The following MAOB variants were observed in gnomAD, a reference collection of about 807,000 sequenced individuals.
The protein encoded by MAOB is amine oxidase [flavin-containing] B.
In MAOB, 15 loss-of-function variants were observed where a neutral mutation model predicts 41.9. The observed-to-expected ratio is 0.36, with a 90% CI of 0.24 to 0.55. MAOB has a LOEUF of 0.55. Ranked by LOEUF, MAOB falls within the 20% of genes least tolerant of loss-of-function variation. MAOB has a pLI of 0.86. For missense variants in MAOB, 345 were observed against 398.7 expected, an observed-to-expected ratio of 0.87 and a Z score of 1.15; for synonymous variants, 167 against 144.2, an observed-to-expected ratio of 1.16 and a Z score of -1.13.
At chrX:43,776,430 C>T (rs12558324) in intron 11 of MAOB, among the ~76,000 whole-genome samples, 2,192 of 111,994 alleles carry the variant, frequency 0.02, 32 homozygotes, top group Admixed American at 0.034. Flanking sequence ...ACTGAAGTTC[C>T]CCAAACAACC....
chrX:43,770,899 G>A (rs755006605), intron 12 of MAOB, among the ~76,000 whole-genome samples: 1 of 111,910 alleles, frequency 8.9e-6, no homozygotes, highest in African/African-American at 3.3e-5. Context: ...TTGTTGCTCT[G>A]ACAAAAATAC....
At chrX:43,859,131 C>G (rs1285036879) in intron 1 of MAOB, among the ~76,000 whole-genome samples, 1 of 111,402 alleles carries the variant, frequency 9.0e-6, no homozygotes, top group East Asian at 2.8e-4. Context: ...AACAAAATAC[C>G]TATTGCTGGT....
intron 1 of MAOB, among the ~76,000 whole-genome samples, chrX:43,853,055 C>T (rs1056398103): frequency 1.8e-5 from 2 of 110,069 alleles, no homozygotes; most frequent in Non-Finnish European, 3.8e-5. Flanking sequence ...AACCCCAGCA[C>T]TTTAGGAGGC....
At chrX:43,808,953 A>G (rs189287641) in intron 3 of MAOB, among the ~76,000 whole-genome samples, 138 of 110,600 alleles carry the variant, frequency 1.2e-3, no homozygotes, top group African/African-American at 4.4e-3. Flanking sequence ...AATCCTCCCA[A>G]AGTGCTGGAA....
At chrX:43,823,680 T>A (rs1312102154) in intron 3 of MAOB, among the ~76,000 whole-genome samples, 1 of 111,826 alleles carries the variant, frequency 8.9e-6, no homozygotes, top group Non-Finnish European at 1.9e-5. Context: ...TAATAATTCA[T>A]GGCTTCTGTT....
At position 43,843,802 on chromosome X, in the gene MAOB, A is replaced by G. The variant is rs371917429; in HGVS notation, c.47-38T>C. 3.6e-5 allele frequency: 43 copies of G among 1,200,751 alleles called. No individual in the cohort carries two copies. The Middle Eastern group carries it at 9.2e-4, about 26-fold the overall frequency. On this transcript the variant is annotated intron_variant, in intron 1 of 14. Transcript: ENST00000378069. ...ACAGTAAGACATCAGGATCAAATAC[A>G]AGGATGCCAGACAAGCTCCTCATGC...
intron 1 of MAOB, among the ~76,000 whole-genome samples, chrX:43,857,545 A>G (rs1487579833): frequency 9.0e-6 from 1 of 110,887 alleles, no homozygotes; most frequent in African/African-American, 3.3e-5. Context: ...TAACATCCCC[A>G]AAGCACTTTC....
At chrX:43,840,708 G>T (rs1203871124) in intron 2 of MAOB, among the ~76,000 whole-genome samples, 2 of 110,361 alleles carry the variant, frequency 1.8e-5, no homozygotes. Context: ...CCCTTCCCTA[G>T]CCAAGGGAAG....
chrX:43,860,935 G>A (rs969075144), intron 1 of MAOB, among the ~76,000 whole-genome samples: 1 of 112,053 alleles, frequency 8.9e-6, no homozygotes, highest in Non-Finnish European at 1.9e-5. Context: ...GTTCAGGATC[G>A]CAGATCTCAG....
chrX:43,809,970 G>A (rs920135317), intron 3 of MAOB, among the ~76,000 whole-genome samples: 3 of 108,352 alleles, frequency 2.8e-5, no homozygotes, highest in Admixed American at 9.6e-5. Flanking sequence ...AGGGCCGGGC[G>A]CGGTGGCTCA....
rs1252269615 is a variant in MAOB, at chrX:43,843,651, C to T, written c.141+19G>A. 1.0e-5 allele frequency: 12 copies of T among 1,197,129 alleles called. No homozygotes were observed. The South Asian group carries it at 1.3e-4, about 13-fold the overall frequency. ...CAGCTTCAGTCCCACATTTGTCCTC[C>T]GGATTCTTAATGCCTTACCCTAAGA... On this transcript the variant is annotated intron_variant, in intron 2 of 14. Coordinates refer to ENST00000378069, the MANE Select transcript of MAOB (RefSeq NM_000898.5).
At chrX:43,769,026 G>A (rs2034146380) in intron 13 of MAOB, among the ~76,000 whole-genome samples, 1 of 111,975 alleles carries the variant, frequency 8.9e-6, no homozygotes, top group South Asian at 3.8e-4. Context: ...ATAGAAGCAT[G>A]TTTGGTTCTA....
chrX:43,781,620 GTT>G, intron 8 of MAOB, 76 bp from the exon 9 acceptor site: 1 of 541,525 alleles, frequency 1.8e-6, no homozygotes, highest in Non-Finnish European at 2.9e-6. Flanking sequence ...TGAAGTGCAT[GTT>G]TTTAAACTTG....
intron 3 of MAOB, among the ~76,000 whole-genome samples, chrX:43,810,242 CAAAAAAAA>C (rs143045804): frequency 1.3e-4 from 5 of 37,682 alleles, no homozygotes; most frequent in Non-Finnish European, 2.0e-4. Flanking sequence ...GACTCTGTCT[CAAAAAAAA>C]AAAAAAAAAA....
chrX:43,780,374 G>T lies in MAOB; in HGVS notation c.1047C>A (p.Ala349=), dbSNP rs754833718. Residue 349 remains alanine (A), a synonymous_variant, in exon 10 of 15, where the codon GCC becomes GCA. Transcript: ENST00000378069. The part of the protein sequence containing the change: ...AIMGFILAHK[A]RKLARLTKEE... ...CTTTGGTAAGACGTGCCAGTTTTCT[G>T]GCTTTGTGGGCCAGGATAAATCTAA... 2 of 1,199,349 alleles carry T rather than the reference G, an allele frequency of 1.7e-6. No homozygotes were observed. Among genetic ancestry groups the T allele is most frequent in the African/African-American group, 3.5e-5 (2 of 56,851 alleles).
At position 43,781,489 on chromosome X, in the gene MAOB, C is replaced by T; in HGVS notation, c.984G>A (p.Leu328=). The change falls in exon 9 of 15, where the codon TTG becomes TTA. Residue 328 remains leucine, a synonymous_variant. Transcript: ENST00000378069. ...DGEEAPVAYT[L]DDTKPEGNYA... is the part of the protein sequence containing the mutation. Reference sequence around the variant, plus strand: ...AGTTGCCTTCAGGTTTGGTATCATCCAACGTGTAGGCAACTGGAGCTTCTT... The same window carrying T: ...AGTTGCCTTCAGGTTTGGTATCATCTAACGTGTAGGCAACTGGAGCTTCTT... 8.3e-7 allele frequency: 1 copy of T among 1,201,549 alleles called. No homozygotes were observed. Among genetic ancestry groups the T allele is most frequent in the East Asian group, 3.0e-5 (1 of 33,459 alleles).
chrX:43,769,247 A>G, intron 13 of MAOB, 60 bp downstream of exon 13: 1 of 1,104,161 alleles, frequency 9.1e-7, no homozygotes, highest in Non-Finnish European at 1.2e-6. Flanking sequence ...GATATCTTTG[A>G]CCTACATGTC....
In MAOB at chrX:43,843,869, G is replaced by A. The variant is rs889317707; in HGVS notation, c.47-105C>T. On this transcript the variant is annotated intron_variant, in intron 1 of 14. Coordinates refer to ENST00000378069, the MANE Select transcript of MAOB (RefSeq NM_000898.5). ...AAGTCCATGCTGGCTCACGTGCACC[G>A]CCTATTGTTACATTCAACTTACAAG... The A allele has an allele frequency of 5.8e-5, 62 of 1,069,512 alleles. No individual in the cohort carries two copies. In the African/African-American group the frequency reaches 7.7e-4, roughly 13 times the overall value. 88.1% of individuals were successfully genotyped at this position (1,069,512 alleles called of 1,213,427 possible). A position where few individuals can be genotyped will look rare whatever the true frequency, so the allele number is the denominator to read the frequency against.
At chrX:43,768,300 A>G (rs1016795921) in intron 14 of MAOB, among the ~76,000 whole-genome samples, 2 of 111,692 alleles carry the variant, frequency 1.8e-5, no homozygotes, top group Admixed American at 9.5e-5. Flanking sequence ...GGAGATGCTA[A>G]CACACTTTCC....
Sources: gnomAD v4.1 joint callset for allele counts (sites outside exome capture counted in the v4.1 genomes callset) on GRCh38, gnomAD v4.1.1 for gene constraint, MANE v1.5 for transcripts, NCBI Gene and HGNC (gene_info 2026-07-23, HGNC 2026-07-21) for gene names.